Variants in DNAI4 observed in about 807,000 individuals in gnomAD.
DNAI4 encodes WD repeat domain 78.
Under a neutral mutation model 105.8 loss-of-function variants are expected in DNAI4, and 85 were observed. The ratio of observed to expected loss-of-function variants is 0.80; its 90% CI spans 0.67 to 0.96. The LOEUF (loss-of-function observed/expected upper bound fraction) is 0.96. Ranked by LOEUF, DNAI4 falls within the 40% of genes least tolerant of loss-of-function variation. The pLI, the probability that DNAI4 is intolerant of heterozygous loss-of-function variation, is 0.00. For missense variants in DNAI4, 1,014 were observed against 1,005.6 expected (o/e 1.01, Z -0.11); for synonymous variants, 352 against 331.5 (o/e 1.06, Z -0.67).
chr1:66,885,161 TTA>T (rs1258652416), intron 4 of DNAI4, among the ~76,000 whole-genome samples: 1 of 152,246 alleles, frequency 6.6e-6, no homozygotes, highest in Non-Finnish European at 1.5e-5. Flanking sequence ...TATCTTTCTG[TTA>T]TGATTTCTAG....
chr1:66,880,139 G>T (rs1367314140), intron 4 of DNAI4, among the ~76,000 whole-genome samples: 1 of 152,222 alleles, frequency 6.6e-6, no homozygotes, highest in South Asian at 2.1e-4. Context: ...TGATGGTGAG[G>T]CCTCCCCAGC....
chr1:66,893,632 T>G (rs1183460385), intron 2 of DNAI4, among the ~76,000 whole-genome samples: 4 of 152,194 alleles, frequency 2.6e-5, no homozygotes, highest in African/African-American at 9.6e-5. Context: ...TTTATCTATA[T>G]GTAATTAATA....
intron 6 of DNAI4, among the ~76,000 whole-genome samples, chr1:66,865,581 TA>T (rs1358525511): frequency 5.3e-5 from 8 of 152,324 alleles, no homozygotes; most frequent in Non-Finnish European, 1.0e-4. Context: ...AATGTAGCCT[TA>T]AATCTGCAAC....
chr1:66,916,090 A>AAC (rs921255870), intron 1 of DNAI4, among the ~76,000 whole-genome samples: 8 of 151,554 alleles, frequency 5.3e-5, no homozygotes, highest in African/African-American at 1.9e-4. Context: ...GTCTAAAAAA[A>AAC]AAAAAAAAAA....
intron 13 of DNAI4, 61 bp downstream of exon 13, chr1:66,833,524 A>T (rs1645912921): frequency 6.3e-7 from 1 of 1,585,528 alleles, no homozygotes; most frequent in Non-Finnish European, 8.6e-7. Context: ...TTTATGACTT[A>T]ATACACTTCA....
intron 15 of DNAI4, among the ~76,000 whole-genome samples, chr1:66,825,320 C>T (rs943516623): frequency 3.3e-5 from 5 of 151,460 alleles, no homozygotes; most frequent in Non-Finnish European, 5.9e-5. Context: ...GCTGGGACTA[C>T]AGGCGCCCGC....
intron 11 of DNAI4, among the ~76,000 whole-genome samples, chr1:66,834,561 T>C (rs1271511545): frequency 6.6e-6 from 1 of 152,150 alleles, no homozygotes; most frequent in Admixed American, 6.5e-5. Flanking sequence ...TGTTAATCAT[T>C]TAAATCTTAT....
At chr1:66,837,870 T>C in intron 9 of DNAI4, 74 bp from the exon 10 acceptor site, 2 of 1,327,560 alleles carry the variant, frequency 1.5e-6, no homozygotes, top group Non-Finnish European at 2.1e-6. Flanking sequence ...TAAAGATATA[T>C]ATTAATGAGC....
chr1:66,835,602 T>C, intron 11 of DNAI4, 24 bp downstream of exon 11: 3 of 1,608,732 alleles, frequency 1.9e-6, no homozygotes, highest in Non-Finnish European at 2.6e-6. Context: ...GTATTATACA[T>C]TTATCTAATT....
intron 13 of DNAI4, among the ~76,000 whole-genome samples, chr1:66,831,638 T>C (rs929139494): frequency 6.6e-6 from 1 of 152,176 alleles, no homozygotes; most frequent in Non-Finnish European, 1.5e-5. Flanking sequence ...TGATTAATTC[T>C]GTCTACAAAA....
chr1:66,826,244 T>A (rs1645750294), intron 15 of DNAI4, among the ~76,000 whole-genome samples: 1 of 151,246 alleles, frequency 6.6e-6, no homozygotes, highest in Non-Finnish European at 1.5e-5. Flanking sequence ...AGATAGCTAT[T>A]ATATCCTATA....
intron 1 of DNAI4, among the ~76,000 whole-genome samples, chr1:66,909,924 G>A (rs576190497): frequency 6.6e-6 from 1 of 152,218 alleles, no homozygotes; most frequent in East Asian, 1.9e-4. Context: ...CACTCTTGTT[G>A]CTACCATCCT....
At chr1:66,831,274 A>G (rs901036238) in intron 13 of DNAI4, among the ~76,000 whole-genome samples, 6 of 152,114 alleles carry the variant, frequency 3.9e-5, no homozygotes, top group Admixed American at 6.5e-5. Context: ...TTTTATGAAA[A>G]TTCTTTCTAA....
At chr1:66,896,976 G>C (rs1229813125) in intron 2 of DNAI4, among the ~76,000 whole-genome samples, 1 of 152,220 alleles carries the variant, frequency 6.6e-6, no homozygotes, top group African/African-American at 2.4e-5. Context: ...TAGAGAAGCA[G>C]TCTAGAAAAA....
chr1:66,875,614 G>C (rs1220230555), intron 4 of DNAI4, among the ~76,000 whole-genome samples: 1 of 152,002 alleles, frequency 6.6e-6, no homozygotes, highest in Non-Finnish European at 1.5e-5. Flanking sequence ...GGTTATGTGG[G>C]TAACAGCCAT....
At chr1:66,836,262 A>AAGAAAGAGAGAG (rs1646011254) in intron 10 of DNAI4, among the ~76,000 whole-genome samples, 1 of 11,716 alleles carries the variant, frequency 8.5e-5, no homozygotes, top group African/African-American at 3.0e-4. Flanking sequence ...GAGAGAAAGA[A>AAGAAAGAGAGAG]AGAAAGAAAG....
intron 9 of DNAI4, among the ~76,000 whole-genome samples, chr1:66,840,039 T>C (rs1177247589): frequency 6.6e-6 from 1 of 152,202 alleles, no homozygotes; most frequent in African/African-American, 2.4e-5. Context: ...ATCTCAAAAT[T>C]ATTTTGCACA....
At chr1:66,907,146 C>T (rs1469843733) in intron 1 of DNAI4, 2 of 152,170 alleles carry the variant, frequency 1.3e-5, no homozygotes. Context: ...GTCAGTAATA[C>T]TGCCTACTAC....
chr1:66,821,091 C>CTTTTTTTTT (rs55811909), intron 16 of DNAI4, among the ~76,000 whole-genome samples: 17 of 80,322 alleles, frequency 2.1e-4, no homozygotes, highest in South Asian at 4.8e-4. Flanking sequence ...AAACATTTCT[C>CTTTTTTTTT]TTTTTTTTTT....
Sources: gnomAD v4.1 joint callset for allele counts (sites outside exome capture counted in the v4.1 genomes callset) on GRCh38, gnomAD v4.1.1 for gene constraint, MANE v1.5 for transcripts, NCBI Gene and HGNC (gene_info 2026-07-23, HGNC 2026-07-21) for gene names.